Variants in MICAL2 observed in about 807,000 individuals in gnomAD.
The protein encoded by MICAL2 is [F-actin]-monooxygenase MICAL2.
A neutral mutation model predicts 127.3 loss-of-function variants in MICAL2; 77 were observed. That is an observed-to-expected ratio of 0.60 (90% CI 0.50 to 0.73). The LOEUF is 0.73. MICAL2 is among the 30% of genes least tolerant of loss of function. MICAL2 has a pLI of 0.00. For missense variants in MICAL2, 1,351 were observed against 1,434.4 expected (o/e 0.94, Z 0.94); for synonymous variants, 570 against 551.1 (o/e 1.03, Z -0.48).
At chr11:12,144,384 G>A (rs1295323045) in intron 2 of MICAL2, among the ~76,000 whole-genome samples, 3 of 152,154 alleles carry the variant, frequency 2.0e-5, no homozygotes, top group African/African-American at 4.8e-5. Context: ...TACCTTCGGG[G>A]CTCCCCTCCT....
chr11:12,201,376 G>A (rs752237024), intron 3 of MICAL2, among the ~76,000 whole-genome samples: 1 of 151,886 alleles, frequency 6.6e-6, no homozygotes, highest in Admixed American at 6.6e-5. Context: ...CTGGATGATG[G>A]AACGTTTGCT....
intron 2 of MICAL2, among the ~76,000 whole-genome samples, chr11:12,151,806 C>T (rs966783665): frequency 1.3e-5 from 2 of 152,172 alleles, no homozygotes; most frequent in Non-Finnish European, 2.9e-5. Context: ...CTCACAGCTG[C>T]TAGCAAGGGT....
rs780003856 is a variant in MICAL2 at position 12,226,316 on chromosome 11, A to G, written c.1834A>G (p.Met612Val). The change falls in exon 14 of 28, where the codon ATG becomes GTG. Residue 612 changes from methionine (M) to valine (V), a missense_variant. Met to Val is a conservative substitution (Grantham distance 21). Transcript: ENST00000683283. The stretch of plus-strand genomic sequence containing the variant: ...GGAGCCTGACAAGCTCAGCATGGTC[A>G]TGTACCTCTCCAAGTTCTACGAGCT... Reference protein sequence around the residue: ...AQEPDKLSMVMYLSKFYELFR... With the variant: ...AQEPDKLSMVVYLSKFYELFR... The G allele has an allele frequency of 1.9e-5, 31 of 1,614,086 alleles. No homozygotes were observed. In the South Asian group the frequency reaches 3.4e-4, roughly 18 times the overall value.
At chr11:12,302,826 G>A (rs192205005) in intron 29 of MICAL2, among the ~76,000 whole-genome samples, 1 of 152,238 alleles carries the variant, frequency 6.6e-6, no homozygotes, top group East Asian at 1.9e-4. Flanking sequence ...ACTGCACCTG[G>A]CCAGAAGTAT....
At chr11:12,256,623 GTGTATC>G in intron 23 of MICAL2, 156 bp from the exon 24 acceptor site, 1 of 647,356 alleles carries the variant, frequency 1.5e-6, no homozygotes, top group East Asian at 2.9e-5. Flanking sequence ...TGGGTTGGGG[GTGTATC>G]TTCCTACCCC....
At chr11:12,177,514 TG>T (rs1856965260) in intron 3 of MICAL2, among the ~76,000 whole-genome samples, 1 of 152,250 alleles carries the variant, frequency 6.6e-6, no homozygotes, top group South Asian at 2.1e-4. Flanking sequence ...AAGTCAAATT[TG>T]TCTATTTTTC....
chr11:12,298,875 T>G (rs1480046862), intron 29 of MICAL2, among the ~76,000 whole-genome samples: 1 of 152,234 alleles, frequency 6.6e-6, no homozygotes, highest in African/African-American at 2.4e-5. Flanking sequence ...CTTTGTCTTA[T>G]TACTTTACAT....
At chr11:12,203,756 A>C (rs1355452087) in intron 3 of MICAL2, among the ~76,000 whole-genome samples, 1 of 152,058 alleles carries the variant, frequency 6.6e-6, no homozygotes, top group Non-Finnish European at 1.5e-5. Context: ...ACCAAGTTTT[A>C]ATTTTGAAGT....
rs186929150 is a variant in MICAL2, at chr11:12,347,085, C to T, written c.5516-2753C>T. On this transcript the variant is annotated intron_variant, in intron 32 of 34. Coordinates refer to the MICAL2 transcript ENST00000646065. ...TCCATGCCCCTCAGCCCCTCCCAAT[C>T]TCTGTCTCCACCGTCTTCTTCCCCA... 2.2e-3 allele frequency among the ~76,000 whole-genome samples: 336 copies of T among 151,686 alleles called. 1 individual carries two copies. The highest frequency in any genetic ancestry group is 7.8e-3 in the African/African-American group (325 of 41,418).
At chr11:12,221,912 T>A (rs1856858310) in intron 10 of MICAL2, among the ~76,000 whole-genome samples, 153 bp downstream of exon 10, 1 of 152,166 alleles carries the variant, frequency 6.6e-6, no homozygotes, top group Admixed American at 6.5e-5. Context: ...ATCATCAGCA[T>A]CCCCAAGGAT....
chr11:12,275,604 C>G (rs1264059446), upstream of MICAL2, among the ~76,000 whole-genome samples: 1 of 152,160 alleles, frequency 6.6e-6, no homozygotes, highest in Non-Finnish European at 1.5e-5. Context: ...TCAAATGCTG[C>G]TGGTGTGTAG....
intron 14 of MICAL2, among the ~76,000 whole-genome samples, chr11:12,226,754 G>A (rs1014688290): frequency 2.0e-5 from 3 of 149,226 alleles, no homozygotes; most frequent in East Asian, 2.0e-4. Context: ...CTGGGTTCAC[G>A]CCATTCTCCT....
At chr11:12,204,069 G>A (rs1268609559) in intron 3 of MICAL2, among the ~76,000 whole-genome samples, 181 bp from the exon 4 acceptor site, 1 of 152,188 alleles carries the variant, frequency 6.6e-6, no homozygotes, top group Non-Finnish European at 1.5e-5. Flanking sequence ...CTGGTGCGTG[G>A]TAGGCCCACA....
chr11:12,220,095 T>A, intron 8 of MICAL2, 106 bp from the exon 9 acceptor site: 1 of 1,326,832 alleles, frequency 7.5e-7, no homozygotes, highest in Non-Finnish European at 1.0e-6. Flanking sequence ...CTTTTCTGAC[T>A]AGCCTCACTG....
intron 15 of MICAL2, among the ~76,000 whole-genome samples, chr11:12,233,394 A>C (rs998093498): frequency 6.6e-6 from 1 of 152,194 alleles, no homozygotes; most frequent in Admixed American, 6.5e-5. Flanking sequence ...TGCTGCCCAA[A>C]TCAACAAAAC....
At chr11:12,114,027 G>A (rs964705175) in intron 1 of MICAL2, among the ~76,000 whole-genome samples, 1 of 152,064 alleles carries the variant, frequency 6.6e-6, no homozygotes, top group Non-Finnish European at 1.5e-5. Flanking sequence ...TGTCCATGAG[G>A]GTATCTACCA....
At chr11:12,169,112 G>T (rs1218197910) in intron 3 of MICAL2, among the ~76,000 whole-genome samples, 2 of 152,012 alleles carry the variant, frequency 1.3e-5, no homozygotes, top group East Asian at 3.9e-4. Context: ...CTTCCTAGAG[G>T]CAAGTACTCT....
rs774433273 is a variant in MICAL2 at position 12,223,471 on chromosome 11, G to A, written c.1510G>A (p.Val504Met). The change falls in exon 12 of 28, where the codon GTG (valine) becomes ATG (methionine). Residue 504 changes from valine (V) to methionine (M), a missense_variant. Val to Met is a conservative substitution (Grantham distance 21). Coordinates refer to ENST00000683283, the MANE Select transcript of MICAL2 (RefSeq NM_001282663.2). Reference sequence around the variant, plus strand: ...CTACCCTCTCGAGAGACTGGGCTCGGTGAGGAGATCTGTCAACCTCTCCAG... The same window carrying A: ...CTACCCTCTCGAGAGACTGGGCTCGATGAGGAGATCTGTCAACCTCTCCAG... ...EHYPLERLGS[V>M]RRSVNLSRKE... The A allele has an allele frequency of 6.2e-7, 1 of 1,614,110 alleles. No individual in the cohort carries two copies. Among genetic ancestry groups the A allele is most frequent in the Non-Finnish European group, 8.5e-7 (1 of 1,180,012 alleles).
chr11:12,322,689 C>A (rs943623347), intron 30 of MICAL2, among the ~76,000 whole-genome samples: 1 of 152,056 alleles, frequency 6.6e-6, no homozygotes, highest in Non-Finnish European at 1.5e-5. Context: ...CCAATTTGAA[C>A]ATTTATTTTG....
Sources: allele counts gnomAD v4.1 joint callset (sites outside exome capture counted in the v4.1 genomes callset), GRCh38; gene constraint gnomAD v4.1.1; transcripts MANE v1.5; gene names NCBI Gene and HGNC (gene_info 2026-07-23, HGNC 2026-07-21).